ADGRB3: variants seen among roughly 807,000 people sequenced by gnomAD.
ADGRB3 encodes adhesion G protein-coupled receptor B3.
In ADGRB3, 37 loss-of-function variants were observed where a neutral mutation model predicts 193.4. The ratio of observed to expected loss-of-function variants is 0.19; its 90% CI spans 0.15 to 0.25. The LOEUF (loss-of-function observed/expected upper bound fraction) is 0.25, where lower values mean the gene tolerates loss of function less well. Among genes scored for constraint, ADGRB3 ranks in the 10% least tolerant of loss-of-function variants. The pLI, the probability that ADGRB3 is intolerant of heterozygous loss-of-function variation, is 1.00. For synonymous variants in ADGRB3, 690 were observed against 644.2 expected (o/e 1.07, Z -1.08); for missense variants, 1,637 against 1,852.9 (o/e 0.88, Z 2.14).
chr6:68,923,903 A>T (rs1428927378), intron 3 of ADGRB3, among the ~76,000 whole-genome samples: 1 of 152,104 alleles, frequency 6.6e-6, no homozygotes, highest in African/African-American at 2.4e-5. Context: ...CAAGAAACAC[A>T]TTAGCAACAA....
chr6:69,136,196 G>C (rs1354399360), intron 17 of ADGRB3, among the ~76,000 whole-genome samples: 1 of 151,870 alleles, frequency 6.6e-6, no homozygotes, highest in African/African-American at 2.4e-5. Flanking sequence ...TTGTAAATAG[G>C]ATGCAAACTA....
At position 69,048,291 on chromosome 6, in the gene ADGRB3, G is replaced by A. The variant is rs1463882498; in HGVS notation, c.2214G>A (p.Arg738=). 7 of 1,613,364 alleles carry A rather than the reference G, an allele frequency of 4.3e-6. No homozygotes were observed. The Admixed American group carries it at 8.3e-5, about 19-fold the overall frequency. ...MVDWARNSED[R]VVIPKSIFTP... is the part of the protein sequence containing the mutation. ...ACTGGGCAAGAAACTCAGAAGATAGGGTAGTAATTCCAAAAAGCATTTTCA... is the reference window on the plus strand; with the variant it reads ...ACTGGGCAAGAAACTCAGAAGATAGAGTAGTAATTCCAAAAAGCATTTTCA... Residue 738 remains arginine (R), a synonymous_variant, in exon 14 of 32, where the codon AGG becomes AGA. Transcript: ENST00000370598.
chr6:69,144,731 A>G (rs1774432508), intron 17 of ADGRB3, among the ~76,000 whole-genome samples: 1 of 152,146 alleles, frequency 6.6e-6, no homozygotes, highest in South Asian at 2.1e-4. Context: ...CATATGTTGA[A>G]CCATCCTTAC....
intron 13 of ADGRB3, among the ~76,000 whole-genome samples, chr6:69,025,523 CT>C (rs5877186): frequency 0.3 from 42,261 of 139,490 alleles, 7,291 homozygotes; most frequent in East Asian, 0.83. Context: ...CACAATTTAA[CT>C]TTTTTTTTTT....
chr6:68,799,160 A>G (rs952229849), intron 3 of ADGRB3, among the ~76,000 whole-genome samples: 1 of 152,214 alleles, frequency 6.6e-6, no homozygotes, highest in Non-Finnish European at 1.5e-5. Flanking sequence ...GGAAATAAGT[A>G]CAAAAAAAAG....
At chr6:69,208,926 A>AAC (rs1765597694) in intron 17 of ADGRB3, among the ~76,000 whole-genome samples, 1 of 152,218 alleles carries the variant, frequency 6.6e-6, no homozygotes, top group African/African-American at 2.4e-5. Context: ...CCCATGGTCA[A>AAC]ACATTCAGTT....
intron 3 of ADGRB3, among the ~76,000 whole-genome samples, chr6:68,730,543 T>C (rs1765753533): frequency 6.6e-6 from 1 of 151,590 alleles, no homozygotes; most frequent in Non-Finnish European, 1.5e-5. Flanking sequence ...CACGGATAAA[T>C]TCATATGCAA....
At chr6:69,102,601 A>C (rs1399123274) in intron 17 of ADGRB3, among the ~76,000 whole-genome samples, 1 of 152,194 alleles carries the variant, frequency 6.6e-6, no homozygotes, top group African/African-American at 2.4e-5. Context: ...TGTCATTCTG[A>C]GTACAGGGTG....
intron 17 of ADGRB3, among the ~76,000 whole-genome samples, chr6:69,218,537 T>C (rs371840342): frequency 6.6e-6 from 1 of 152,222 alleles, no homozygotes; most frequent in Non-Finnish European, 1.5e-5. Flanking sequence ...TAAGTTACTT[T>C]AATGACATCT....
intron 3 of ADGRB3, among the ~76,000 whole-genome samples, chr6:68,784,965 A>G (rs1361856842): frequency 5.3e-5 from 8 of 152,104 alleles, no homozygotes; most frequent in Admixed American, 5.3e-4. Flanking sequence ...TATTGTGATT[A>G]TAGCAGTTTA....
chr6:69,246,095 C>T (rs971389194), intron 20 of ADGRB3, among the ~76,000 whole-genome samples: 2 of 151,880 alleles, frequency 1.3e-5, no homozygotes, highest in Non-Finnish European at 2.9e-5. Context: ...GTGATCTGGC[C>T]CCTGGATTTT....
intron 17 of ADGRB3, among the ~76,000 whole-genome samples, chr6:69,115,090 A>G (rs988431131): frequency 6.6e-6 from 1 of 152,212 alleles, no homozygotes; most frequent in African/African-American, 2.4e-5. Flanking sequence ...CAATCCCATT[A>G]CTGGGTATAT....
chr6:68,733,817 AAATGT>A (rs1765821585), intron 3 of ADGRB3, among the ~76,000 whole-genome samples: 1 of 152,000 alleles, frequency 6.6e-6, no homozygotes, highest in Non-Finnish European at 1.5e-5. Context: ...TGTACATGTA[AAATGT>A]AATGTACGTG....
chr6:68,933,373 A>G (rs1767397255), intron 4 of ADGRB3, among the ~76,000 whole-genome samples: 1 of 152,078 alleles, frequency 6.6e-6, no homozygotes. Flanking sequence ...CGGGTGAATT[A>G]CCTGAGGTGG....
chr6:68,993,806 A>T lies in ADGRB3; in HGVS notation c.1773A>T (p.Ala591=). Reference sequence around the variant, plus strand: ...TTGCTAAGGGGCAGCGAATGCTGGCAGGTGATGGAATGTCCCAGGTGACCA... The same window carrying T: ...TTGCTAAGGGGCAGCGAATGCTGGCTGGTGATGGAATGTCCCAGGTGACCA... ...EHLAKGQRML[A]GDGMSQVTKT... The change falls in exon 11 of 32, where the codon GCA becomes GCT. Residue 591 remains alanine (A), a synonymous_variant. Transcript: ENST00000370598. The T allele has an allele frequency of 6.2e-7, 1 of 1,613,974 alleles. No individual in the cohort carries two copies. The highest frequency in any genetic ancestry group is 2.2e-5 in the East Asian group (1 of 44,884).
chr6:69,084,540 G>T (rs1772492150), intron 17 of ADGRB3, among the ~76,000 whole-genome samples: 1 of 152,042 alleles, frequency 6.6e-6, no homozygotes, highest in Non-Finnish European at 1.5e-5. Context: ...TATGAATAAT[G>T]ATCTGGAAAG....
chr6:68,681,884 G>T (rs1297112709), intron 3 of ADGRB3, among the ~76,000 whole-genome samples: 1 of 152,100 alleles, frequency 6.6e-6, no homozygotes, highest in African/African-American at 2.4e-5. Flanking sequence ...ACTCTGTCTG[G>T]TATGACAACG....
chr6:68,982,043 G>A (rs539361488), intron 10 of ADGRB3, among the ~76,000 whole-genome samples: 42 of 151,672 alleles, frequency 2.8e-4, no homozygotes, highest in African/African-American at 9.4e-4. Context: ...CTGCCACCAC[G>A]CCGGGCTAAT....
chr6:68,721,186 T>C (rs1009304738), intron 3 of ADGRB3, among the ~76,000 whole-genome samples: 4 of 151,882 alleles, frequency 2.6e-5, no homozygotes, highest in Non-Finnish European at 5.9e-5. Context: ...CATATGTTTA[T>C]TGTGGCACCA....
Sources: allele counts gnomAD v4.1 joint callset (sites outside exome capture counted in the v4.1 genomes callset), GRCh38; gene constraint gnomAD v4.1.1; transcripts MANE v1.5; gene names NCBI Gene and HGNC (gene_info 2026-07-23, HGNC 2026-07-21).